DNAH12: variants seen among roughly 807,000 people sequenced by gnomAD.
DNAH12 encodes dynein axonemal heavy chain 12.
Under a neutral mutation model 371.5 loss-of-function variants are expected in DNAH12, and 285 were observed. The observed-to-expected ratio is 0.77, with a 90% CI of 0.70 to 0.85. The LOEUF is 0.85. Among genes scored for constraint, DNAH12 ranks in the 40% least tolerant of loss-of-function variants. The pLI, the probability that DNAH12 is intolerant of heterozygous loss-of-function variation, is 0.00. For synonymous variants in DNAH12, 1,200 were observed against 1,213.0 expected (o/e 0.99, Z 0.22); for missense variants, 3,611 against 3,689.4 (o/e 0.98, Z 0.55).
Position 57,425,095 on chromosome 3 carries a change from C to G in DNAH12, c.5300G>C (p.Arg1767Pro), listed in dbSNP as rs191154607. 1.4e-6 allele frequency: 1 copy of G among 702,652 alleles called. No individual in the cohort carries two copies. Among genetic ancestry groups the G allele is most frequent in the Admixed American group, 2.0e-5 (1 of 49,978 alleles). 43.5% of individuals were successfully genotyped at this position (702,652 alleles called of 1,614,324 possible). A position where few individuals can be genotyped will look rare whatever the true frequency, so the allele number is the denominator to read the frequency against. The stretch of plus-strand genomic sequence containing the variant: ...ATTGCAAAGTAGCACTTCAAAGAGG[C>G]GTGTGAGAGATACAACCACGTTGCT... ...SNSNVVVSLT[R>P]LFEVLLCNVV... The change falls in exon 35 of 74, where the codon CGC (arginine) becomes CCC (proline). Residue 1767 changes from arginine to proline, a missense_variant. By Grantham distance (103) the Arg-to-Pro change is moderately radical. Transcript: ENST00000495027.
In DNAH12 at chr3:57,302,559, A is replaced by ATTTTT. The variant is rs1436244232; in HGVS notation, c.11190-621_11190-620insAAAAA. On this transcript the variant is annotated intron_variant, in intron 69 of 73. Transcript: ENST00000495027. ...TATATATATATATATATATATATATATATATGTATTTTTTTTTTTTTTTTT... is the reference window on the plus strand; with the variant it reads ...TATATATATATATATATATATATATATTTTTTATATGTATTTTTTTTTTTTTTTTT... Among the ~76,000 whole-genome samples, 24 of 61,368 alleles carry ATTTTT rather than the reference A, an allele frequency of 3.9e-4. 1 individual carries two copies. Among genetic ancestry groups the ATTTTT allele is most frequent in the South Asian group, 6.9e-4 (1 of 1,442 alleles). 40.3% of individuals were successfully genotyped at this position (61,368 alleles called of 152,430 possible).
At chr3:57,351,971 A>G (rs1200018336) in intron 60 of DNAH12, 114 bp downstream of exon 60, 4 of 1,096,928 alleles carry the variant, frequency 3.6e-6, no homozygotes, top group Non-Finnish European at 5.0e-6. Context: ...CACAAGTAAA[A>G]TCATGACTTA....
intron 45 of DNAH12, among the ~76,000 whole-genome samples, chr3:57,391,393 T>G (rs2063619844): frequency 6.6e-6 from 1 of 152,190 alleles, no homozygotes; most frequent in Admixed American, 6.5e-5. Flanking sequence ...TTCTGGATCC[T>G]GAGCCTGCCG....
intron 60 of DNAH12, among the ~76,000 whole-genome samples, chr3:57,349,186 C>T (rs2062613370): frequency 6.6e-6 from 1 of 152,044 alleles, no homozygotes; most frequent in African/African-American, 2.4e-5. Flanking sequence ...ACACAATTCT[C>T]AAAAGAAGAT....
intron 65 of DNAH12, among the ~76,000 whole-genome samples, chr3:57,321,830 T>C (rs2061812357): frequency 6.6e-6 from 1 of 152,224 alleles, no homozygotes; most frequent in Non-Finnish European, 1.5e-5. Flanking sequence ...GAGTACTCTC[T>C]ACTGGGACCC....
intron 17 of DNAH12, among the ~76,000 whole-genome samples, chr3:57,463,352 AG>A: frequency 6.6e-6 from 1 of 152,076 alleles, no homozygotes; most frequent in Non-Finnish European, 1.5e-5. Flanking sequence ...TATAATATAT[AG>A]TTATAAACAC....
At chr3:57,302,567 A>ATATATATATATTTT (rs2061380979) in intron 69 of DNAH12, among the ~76,000 whole-genome samples, 1 of 27,480 alleles carries the variant, frequency 3.6e-5, no homozygotes, top group Non-Finnish European at 6.3e-5. Flanking sequence ...ATATATATGT[A>ATATATATATATTTT]TTTTTTTTTT....
Position 57,293,887 on chromosome 3 carries a change from G to T in DNAH12, c.11777C>A (p.Thr3926Lys). The T allele has an allele frequency of 6.5e-7, 1 of 1,546,196 alleles. No homozygotes were observed. Among genetic ancestry groups the T allele is most frequent in the South Asian group, 1.2e-5 (1 of 83,100 alleles). ...AATGACAAAGTTAGTAGAATGTCCC[G>T]TAGTGGAAAGAGTTCCTTTACGTTC... ...TSERKGTLSTTGHSTNFVIAM... is the reference protein window; with the variant it reads ...TSERKGTLSTKGHSTNFVIAM... The change falls in exon 74 of 74, where the codon ACG (threonine) becomes AAG (lysine). Residue 3926 changes from threonine to lysine, a missense_variant. This residue lies in a region of DNAH12 where 2,266 missense variants were observed against 2,236.9 expected (regional missense o/e 1.01). Coordinates refer to ENST00000495027, the MANE Select transcript of DNAH12 (RefSeq NM_001366028.2).
rs778081823 is a variant in DNAH12, at chr3:57,501,348, T to C, written c.1308A>G (p.Glu436=). Residue 436 remains glutamate (E), a synonymous_variant, in exon 11 of 74, where the codon GAA becomes GAG. Coordinates refer to ENST00000495027, the MANE Select transcript of DNAH12 (RefSeq NM_001366028.2). The part of the protein sequence containing the change: ...AVENIETFQT[E]DHTFDEYTEF... Reference sequence around the variant, plus strand: ...CTGTATATTCATCAAAAGTATGATCTTCTGTCTGAAAAGTCTCTATATTCT... The same window carrying C: ...CTGTATATTCATCAAAAGTATGATCCTCTGTCTGAAAAGTCTCTATATTCT... 8.1e-6 allele frequency: 13 copies of C among 1,597,090 alleles called. No homozygotes were observed. Among genetic ancestry groups the C allele is most frequent in the East Asian group, 2.3e-5 (1 of 44,106 alleles).
chr3:57,521,681 G>C (rs945867051), intron 4 of DNAH12, among the ~76,000 whole-genome samples: 1 of 152,160 alleles, frequency 6.6e-6, no homozygotes, highest in Admixed American at 6.5e-5. Context: ...GAGGTCAGGA[G>C]TTCAAGACCA....
chr3:57,446,086 G>C lies in DNAH12; in HGVS notation c.4124C>G (p.Ala1375Gly). 1 of 1,551,652 alleles carries C rather than the reference G, an allele frequency of 6.4e-7. No individual in the cohort carries two copies. Among genetic ancestry groups the C allele is most frequent in the East Asian group, 2.4e-5 (1 of 40,912 alleles). The part of the protein sequence containing the change: ...ELKLNPNCFV[A>G]ITMNPGYAGR... ...TGCATAGCCAGGATTCATGGTAATA[G>C]CTACAAAACAATTCGGATTGAGCTT... is the stretch of plus-strand genomic sequence containing the variant. The change falls in exon 27 of 74, where the codon GCT (alanine) becomes GGT (glycine). Residue 1375 changes from alanine to glycine, a missense_variant. Transcript: ENST00000495027.
At chr3:57,331,749 CTTAG>C (rs71088058) in intron 62 of DNAH12, among the ~76,000 whole-genome samples, 33,461 of 151,800 alleles carry the variant, frequency 0.22, 4,279 homozygotes, top group South Asian at 0.4. Context: ...TCAAACAAAC[CTTAG>C]TTAGACAGGC....
rs797009937 is a variant in DNAH12 at position 57,418,557 on chromosome 3, A to AAAAAC, written c.5714+809_5714+810insGTTTT. ...CCTGTCTCAAAAAAAAAAACAAAAA[A>AAAAAC]CTGCTATACTAGAAATGTCACAGAA... On this transcript the variant is annotated intron_variant, in intron 37 of 73. Transcript: ENST00000495027. Among the ~76,000 whole-genome samples, 1,284 of 150,288 alleles carry AAAAAC rather than the reference A, an allele frequency of 8.5e-3. 17 individuals carry two copies. The highest frequency in any genetic ancestry group is 0.03 in the African/African-American group (1,213 of 40,364).
intron 55 of DNAH12, among the ~76,000 whole-genome samples, chr3:57,369,960 A>G (rs1422796878): frequency 1.3e-5 from 2 of 152,190 alleles, no homozygotes; most frequent in Admixed American, 6.5e-5. Flanking sequence ...AATACTGGAA[A>G]ATTGGATTGT....
chr3:57,296,998 A>G lies in DNAH12; in HGVS notation c.11395-14T>C. On this transcript the variant is annotated splice_polypyrimidine_tract_variant and intron_variant, in intron 70 of 73. Coordinates refer to ENST00000495027, the MANE Select transcript of DNAH12 (RefSeq NM_001366028.2). ...ATTATACCAGTCCTACAAAGGGAAA[A>G]CAAAACACATTATGTCAGTTTTTAA... 6.4e-7 allele frequency: 1 copy of G among 1,550,760 alleles called. No homozygotes were observed. Among genetic ancestry groups the G allele is most frequent in the Non-Finnish European group, 8.7e-7 (1 of 1,146,826 alleles).
Position 57,453,291 on chromosome 3 carries a change from A to T in DNAH12, c.3569T>A (p.Ile1190Asn), listed in dbSNP as rs1482171399. The T allele has an allele frequency of 1.3e-6, 2 of 1,549,476 alleles. No homozygotes were observed. The highest frequency in any genetic ancestry group is 8.7e-7 in the Non-Finnish European group (1 of 1,146,394). Residue 1190 changes from isoleucine (I) to asparagine (N), a missense_variant, in exon 24 of 74, where the codon ATT becomes AAT. Ile to Asn is a moderately radical substitution (Grantham distance 149, BLOSUM62 -3). This residue lies in a region of DNAH12 where 1,314 missense variants were observed against 1,398.7 expected (regional missense o/e 0.94). Coordinates refer to ENST00000495027, the MANE Select transcript of DNAH12 (RefSeq NM_001366028.2). ...GACCACATCTCTAGCATGGACATCA[A>T]TAGTAACCAAAGCCCCCAGAGTGGT... ...TRTTLGALVT[I>N]DVHARDVVMD...
Position 57,470,604 on chromosome 3 carries a change from A to C in DNAH12, c.1944T>G (p.Arg648=), listed in dbSNP as rs1284834664. 1 of 1,541,830 alleles carries C rather than the reference A, an allele frequency of 6.5e-7. No homozygotes were observed. The highest frequency in any genetic ancestry group is 1.2e-5 in the South Asian group (1 of 80,880). Residue 648 remains arginine, a synonymous_variant, in exon 16 of 74, where the codon CGT becomes CGG. Transcript: ENST00000495027. ...GCACTGCTTCTTCAGATTCCTGAAT[A>C]CGTTTTTGTAGTTGTCTTACATCTG... ...YVTDVRQLQK[R]IQESEEAVQF... is the part of the protein sequence containing the mutation.
chr3:57,406,288 T>C (rs1202413515), intron 40 of DNAH12, among the ~76,000 whole-genome samples: 1 of 138,428 alleles, frequency 7.2e-6, no homozygotes, highest in Non-Finnish European at 1.5e-5. Context: ...GAGGTGGAGG[T>C]AGACATTGCA....
intron 49 of DNAH12, among the ~76,000 whole-genome samples, chr3:57,382,906 C>G (rs2063424629): frequency 6.6e-6 from 1 of 152,182 alleles, no homozygotes; most frequent in South Asian, 2.1e-4. Flanking sequence ...TTGCAAGATG[C>G]AAATGCTGGA....
Sources: gnomAD v4.1 joint callset for allele counts (sites outside exome capture counted in the v4.1 genomes callset) on GRCh38, gnomAD v4.1.1 for gene constraint, gnomAD v4.1.1 regional missense constraint, MANE v1.5 for transcripts, NCBI Gene and HGNC (gene_info 2026-07-23, HGNC 2026-07-21) for gene names.